The following CDH6 variants were observed in gnomAD, a reference collection of about 807,000 sequenced individuals.
CDH6 encodes the protein cadherin-6.
Under a neutral mutation model 78.0 loss-of-function variants are expected in CDH6, and 31 were observed. The observed-to-expected ratio is 0.40, with a 90% confidence interval of 0.30 to 0.54. The LOEUF (loss-of-function observed/expected upper bound fraction) is 0.54, where lower values mean the gene tolerates loss of function less well. Ranked by LOEUF, CDH6 falls within the 20% of genes least tolerant of loss-of-function variation. The pLI is 0.56. For synonymous variants in CDH6, 376 were observed against 368.8 expected (o/e 1.02, Z -0.23); for missense variants, 724 against 975.9 (o/e 0.74, Z 3.44).
intron 2 of CDH6, among the ~76,000 whole-genome samples, chr5:31,291,231 T>G (rs1743156138): frequency 6.6e-6 from 1 of 151,840 alleles, no homozygotes; most frequent in Admixed American, 6.6e-5. Flanking sequence ...ATCACAGATT[T>G]TACCTTAGAG....
intron 2 of CDH6, among the ~76,000 whole-genome samples, chr5:31,291,107 G>A (rs13174578): frequency 0.29 from 44,852 of 152,058 alleles, 7,250 homozygotes; most frequent in Admixed American, 0.37. Context: ...TACTGAAACC[G>A]ATGAAAGAAC....
rs1055779782 is a variant in CDH6, at chr5:31,327,047, C to T, written c.*3739C>T. ...TCCAAATTTTATAAATCCAAATTAA[C>T]TTTAGAATGTTTCTATTACTTTCAC... On this transcript the variant is annotated 3_prime_UTR_variant, in exon 12 of 12. Transcript: ENST00000265071. 4 of 178,232 alleles carry T rather than the reference C, an allele frequency of 2.2e-5. No homozygotes were observed. Among genetic ancestry groups the T allele is most frequent in the Non-Finnish European group, 3.6e-5 (3 of 83,012 alleles). 11.0% of individuals were successfully genotyped at this position (178,232 alleles called of 1,614,324 possible). A position where few individuals can be genotyped will look rare whatever the true frequency, so the allele number is the denominator to read the frequency against.
At position 31,326,809 on chromosome 5, in the gene CDH6, A is replaced by C. The variant is rs1738636186; in HGVS notation, c.*3501A>C. 6.6e-6 allele frequency: 1 copy of C among 151,548 alleles called. No individual in the cohort carries two copies. The highest frequency in any genetic ancestry group is 2.5e-5 in the African/African-American group (1 of 39,218). 9.4% of individuals were successfully genotyped at this position (151,548 alleles called of 1,614,324 possible). On this transcript the variant is annotated 3_prime_UTR_variant, in exon 12 of 12. Coordinates refer to ENST00000265071, the MANE Select transcript of CDH6 (RefSeq NM_004932.4). ...CGGGTTCACGCCATTCTCCTGCCTCAGCGCCCCCAGTAGCTGGGACTACAG... is the reference window on the plus strand; with the variant it reads ...CGGGTTCACGCCATTCTCCTGCCTCCGCGCCCCCAGTAGCTGGGACTACAG...
At chr5:31,287,542 C>T (rs1309448715) in intron 2 of CDH6, among the ~76,000 whole-genome samples, 1 of 152,140 alleles carries the variant, frequency 6.6e-6, no homozygotes, top group African/African-American at 2.4e-5. Flanking sequence ...ATTCCCATCA[C>T]ATGGATGAGG....
At chr5:31,284,265 A>G (rs959706324) in intron 2 of CDH6, among the ~76,000 whole-genome samples, 3 of 152,186 alleles carry the variant, frequency 2.0e-5, no homozygotes, top group Non-Finnish European at 2.9e-5. Flanking sequence ...CACCCCAGCT[A>G]TCTCAATGGG....
At chr5:31,199,425 C>T (rs1740261683) in intron 1 of CDH6, among the ~76,000 whole-genome samples, 2 of 56,864 alleles carry the variant, frequency 3.5e-5, no homozygotes, top group Non-Finnish European at 7.2e-5. Flanking sequence ...TATATATGTA[C>T]ACACATATGT....
intron 9 of CDH6, 102 bp downstream of exon 9, chr5:31,316,431 C>T: frequency 2.0e-6 from 2 of 1,002,610 alleles, no homozygotes; most frequent in Admixed American, 2.5e-5. Flanking sequence ...TGTGAATTAT[C>T]TATGAAGTGA....
At chr5:31,220,265 A>G (rs1740971530) in intron 1 of CDH6, among the ~76,000 whole-genome samples, 1 of 152,218 alleles carries the variant, frequency 6.6e-6, no homozygotes, top group Non-Finnish European at 1.5e-5. Context: ...CCAAAATCAA[A>G]GCAAAATACT....
chr5:31,322,952 G>C lies in CDH6; in HGVS notation c.2017G>C (p.Asp673His), dbSNP rs1226484155. ...GGGEEDTQAFDIGTLRNPEAI... is the reference protein window; with the variant it reads ...GGGEEDTQAFHIGTLRNPEAI... ...TGGAGAGGAGGACACCCAGGCTTTTGATATCGGCACCCTGAGGAATCCTGA... is the reference window on the plus strand; with the variant it reads ...TGGAGAGGAGGACACCCAGGCTTTTCATATCGGCACCCTGAGGAATCCTGA... The change falls in exon 12 of 12, where the codon GAT (aspartate) becomes CAT (histidine). Residue 673 changes from aspartate to histidine, a missense_variant. By Grantham distance (81) the Asp-to-His change is moderately conservative (BLOSUM62 -1). This residue lies in a region of CDH6 where 220 missense variants were observed against 240.6 expected (regional missense o/e 0.91). Coordinates refer to ENST00000265071, the MANE Select transcript of CDH6 (RefSeq NM_004932.4). 1.2e-6 allele frequency: 2 copies of C among 1,614,102 alleles called. No homozygotes were observed. The highest frequency in any genetic ancestry group is 1.7e-6 in the Non-Finnish European group (2 of 1,180,002).
chr5:31,318,065 C>A, intron 11 of CDH6, 141 bp downstream of exon 11: 1 of 1,020,696 alleles, frequency 9.8e-7, no homozygotes, highest in Non-Finnish European at 1.5e-6. Flanking sequence ...AGAATCTGTG[C>A]TGTACGATGT....
intron 2 of CDH6, among the ~76,000 whole-genome samples, chr5:31,286,028 A>G (rs1045637229): frequency 6.6e-6 from 1 of 152,236 alleles, no homozygotes; most frequent in Non-Finnish European, 1.5e-5. Context: ...AAGAGTATAG[A>G]GGACACTAAG....
chr5:31,295,154 A>G (rs573946365), intron 3 of CDH6, among the ~76,000 whole-genome samples: 2 of 152,264 alleles, frequency 1.3e-5, no homozygotes, highest in East Asian at 3.9e-4. Flanking sequence ...AAACATCTAC[A>G]TTTTTCTTAT....
chr5:31,244,602 A>G (rs1239129759), intron 1 of CDH6, among the ~76,000 whole-genome samples: 1 of 152,174 alleles, frequency 6.6e-6, no homozygotes, highest in Non-Finnish European at 1.5e-5. Context: ...ATTCTGCTTC[A>G]CTGGGATCAG....
At chr5:31,271,926 T>C (rs1030101195) in intron 2 of CDH6, among the ~76,000 whole-genome samples, 1 of 152,208 alleles carries the variant, frequency 6.6e-6, no homozygotes, top group Non-Finnish European at 1.5e-5. Context: ...ATTTAGTTGG[T>C]TTTTAATTAT....
intron 2 of CDH6, among the ~76,000 whole-genome samples, chr5:31,271,673 A>T (rs983499085): frequency 6.6e-6 from 1 of 152,082 alleles, no homozygotes; most frequent in Non-Finnish European, 1.5e-5. Context: ...TAAAAACGGG[A>T]TGTGATTGTT....
At chr5:31,266,083 T>A (rs552821363) in intron 1 of CDH6, among the ~76,000 whole-genome samples, 1 of 152,116 alleles carries the variant, frequency 6.6e-6, no homozygotes. Flanking sequence ...GGCAAGACAA[T>A]GTTTTTTCTA....
intron 3 of CDH6, among the ~76,000 whole-genome samples, chr5:31,295,956 G>A (rs1737581088): frequency 6.6e-6 from 1 of 152,168 alleles, no homozygotes; most frequent in Admixed American, 6.6e-5. Context: ...AAGAACTTGA[G>A]TGTTTGTTGA....
chr5:31,252,334 T>TGTGTGTGTGTGTGA (rs1207205291), intron 1 of CDH6, among the ~76,000 whole-genome samples: 1 of 151,740 alleles, frequency 6.6e-6, no homozygotes. Context: ...GTGTGGTGTG[T>TGTGTGTGTGTGTGA]GTGTGTGTGT....
chr5:31,281,435 T>C (rs1742860696), intron 2 of CDH6, among the ~76,000 whole-genome samples: 1 of 152,060 alleles, frequency 6.6e-6, no homozygotes, highest in Non-Finnish European at 1.5e-5. Flanking sequence ...TTCTAACTGG[T>C]GAGTTACAAC....
Sources: allele counts gnomAD v4.1 joint callset (sites outside exome capture counted in the v4.1 genomes callset), GRCh38; gene constraint gnomAD v4.1.1; regional missense constraint gnomAD v4.1.1; transcripts MANE v1.5; gene names NCBI Gene and HGNC (gene_info 2026-07-23, HGNC 2026-07-21).